Variants in TMEM42 observed in about 807,000 individuals in gnomAD.
TMEM42 encodes the protein transmembrane protein 42.
Under a neutral mutation model 14.0 loss-of-function variants are expected in TMEM42, and 8 were observed. The observed-to-expected ratio is 0.57, with a 90% CI of 0.34 to 1.03. TMEM42 has a LOEUF of 1.03. Ranked by LOEUF, TMEM42 falls within the 50% of genes least tolerant of loss-of-function variation. The probability of loss-of-function intolerance (pLI) is 0.03; values close to 1 mark genes in which losing one functional copy is unlikely to be tolerated. For missense variants in TMEM42, 211 were observed against 219.8 expected (o/e 0.96, Z 0.25); for synonymous variants, 115 against 94.3 (o/e 1.22, Z -1.27).
At chr3:44,862,147 C>CG (rs760336605) in intron 1 of TMEM42, 31 bp downstream of exon 1, 4 of 143,624 alleles carry the variant, frequency 2.8e-5, no homozygotes, top group Non-Finnish European at 5.5e-5. Context: ...GGTGCTGCTG[C>CG]TGCGGGCGGG....
Position 44,864,353 on chromosome 3 carries a change from C to CT in TMEM42, c.339+11dup. 2 of 1,614,012 alleles carry CT rather than the reference C, an allele frequency of 1.2e-6. No homozygotes were observed. Among genetic ancestry groups the CT allele is most frequent in the Non-Finnish European group, 1.7e-6 (2 of 1,179,986 alleles). On this transcript the variant is annotated intron_variant, in intron 2 of 2. Coordinates refer to ENST00000302392, the MANE Select transcript of TMEM42 (RefSeq NM_144638.3). ...AAATATCCTCAGCTCGGTGAGTAGC[C>CT]TGAGGGTGTGGTGCTCTTGTCCTAA... is the stretch of plus-strand genomic sequence containing the variant.
rs141119603 is a variant in TMEM42, at chr3:44,864,256, G to A, written c.252G>A (p.Met84Ile). The change falls in exon 2 of 3, where the codon ATG becomes ATA. Residue 84 changes from methionine (M) to isoleucine (I), a missense_variant. Met to Ile is a conservative substitution (Grantham distance 10). Transcript: ENST00000302392. The stretch of plus-strand genomic sequence containing the variant: ...TGATGGCGAGCACCAATTCTCTGAT[G>A]TGGACCTTCTTTAGCCGGGGCCTCA... ...IIVMASTNSL[M>I]WTFFSRGLSF... The A allele has an allele frequency of 1.8e-4, 287 of 1,614,104 alleles. 1 individual carries two copies. Among genetic ancestry groups the A allele is most frequent in the Non-Finnish European group, 2.3e-4 (268 of 1,180,048 alleles).
Position 44,862,183 on chromosome 3 carries a change from A to G in TMEM42, c.192+67A>G, listed in dbSNP as rs1219427343. 6 of 427,244 alleles carry G rather than the reference A, an allele frequency of 1.4e-5. No homozygotes were observed. In the African/African-American group the frequency reaches 5.0e-4, roughly 35 times the overall value. 26.5% of individuals were successfully genotyped at this position (427,244 alleles called of 1,614,324 possible). On this transcript the variant is annotated intron_variant, in intron 1 of 2. Coordinates refer to ENST00000302392, the MANE Select transcript of TMEM42 (RefSeq NM_144638.3). Reference sequence around the variant, plus strand: ...CGGGCGGGGCGCCGCTGGGCGGAGGAGGGGCGCTGCGGGGCCCGCGGGGCT... The same window carrying G: ...CGGGCGGGGCGCCGCTGGGCGGAGGGGGGGCGCTGCGGGGCCCGCGGGGCT...
At chr3:44,864,541 A>G (rs1699299940) in intron 2 of TMEM42, among the ~76,000 whole-genome samples, 198 bp downstream of exon 2, 1 of 152,184 alleles carries the variant, frequency 6.6e-6, no homozygotes, top group African/African-American at 2.4e-5. Context: ...TAAGTTAGAT[A>G]TGAGTGAAGC....
chr3:44,862,155 G>C, intron 1 of TMEM42, 39 bp downstream of exon 1: 1 of 1,136,520 alleles, frequency 8.8e-7, no homozygotes, highest in Non-Finnish European at 1.1e-6. Flanking sequence ...TGCTGCGGGC[G>C]GGCGGGCGGG....
intron 1 of TMEM42, chr3:44,863,499 C>T (rs1180680108): frequency 6.6e-6 from 1 of 152,176 alleles, no homozygotes; most frequent in Non-Finnish European, 1.5e-5. Flanking sequence ...GGTGGTGTTT[C>T]CCTCAGGCAA....
rs147012039 is a variant in TMEM42, at chr3:44,865,046, C to T, written c.346C>T (p.Leu116=). Residue 116 remains leucine (L), a synonymous_variant, in exon 3 of 3, where the codon CTG becomes TTG. Transcript: ENST00000302392. ...AGCTATCTTTGTCTCGCAGGCCTTC[C>T]TGGGCTATGTGCTGTATGGAGAGTG... ...TFSNILSSAF[L]GYVLYGECQE... 41 of 1,613,946 alleles carry T rather than the reference C, an allele frequency of 2.5e-5. No homozygotes were observed. Among genetic ancestry groups the T allele is most frequent in the Non-Finnish European group, 1.4e-5 (17 of 1,179,956 alleles).
intron 1 of TMEM42, chr3:44,862,768 A>AG (rs1314795410): frequency 3.3e-5 from 5 of 151,860 alleles, no homozygotes; most frequent in African/African-American, 9.7e-5. Flanking sequence ...TGCTTGCTAT[A>AG]GGGGTTTCAT....
In TMEM42 at chr3:44,862,131, G is replaced by T. The variant is rs1699261878; in HGVS notation, c.192+15G>T. The T allele has an allele frequency of 2.5e-5, 30 of 1,195,850 alleles. No homozygotes were observed. Among genetic ancestry groups the T allele is most frequent in the Non-Finnish European group, 3.1e-5 (30 of 963,338 alleles). 74.1% of individuals were successfully genotyped at this position (1,195,850 alleles called of 1,614,324 possible). On this transcript the variant is annotated intron_variant, in intron 1 of 2. Coordinates refer to ENST00000302392, the MANE Select transcript of TMEM42 (RefSeq NM_144638.3). ...TCGGCAGCGAGGTCGAGCCCGGGGCGCTGTTGGTGCTGCTGCTGCGGGCGG... is the reference window on the plus strand; with the variant it reads ...TCGGCAGCGAGGTCGAGCCCGGGGCTCTGTTGGTGCTGCTGCTGCGGGCGG...
In TMEM42 at chr3:44,865,450, C is replaced by T. The variant is rs1209892351; in HGVS notation, c.*270C>T. 4.4e-6 allele frequency: 2 copies of T among 454,528 alleles called. No homozygotes were observed. Among genetic ancestry groups the T allele is most frequent in the Non-Finnish European group, 8.0e-6 (2 of 250,214 alleles). 28.2% of individuals were successfully genotyped at this position (454,528 alleles called of 1,614,324 possible). A position where few individuals can be genotyped will look rare whatever the true frequency, so the allele number is the denominator to read the frequency against. ...GTGAGCCTTCGCAGATGCTGGAGAT[C>T]CTGGGGTTGGTCTGCTTTGTGTATG... is the stretch of plus-strand genomic sequence containing the variant. On this transcript the variant is annotated 3_prime_UTR_variant, in exon 3 of 3. Coordinates refer to ENST00000302392, the MANE Select transcript of TMEM42 (RefSeq NM_144638.3).
rs1379265849 is a variant in TMEM42, at chr3:44,864,231, T to G, written c.227T>G (p.Val76Gly). 9 of 1,614,222 alleles carry G rather than the reference T, an allele frequency of 5.6e-6. No homozygotes were observed. Among genetic ancestry groups the G allele is most frequent in the Non-Finnish European group, 7.6e-6 (9 of 1,180,046 alleles). ...GGTTTATGCGTCTTAGGCATTATTG[T>G]GATGGCGAGCACCAATTCTCTGATG... ...SMGLCVLGII[V>G]MASTNSLMWT... Residue 76 changes from valine to glycine, a missense_variant, in exon 2 of 3, where the codon GTG becomes GGG. Transcript: ENST00000302392.
intron 1 of TMEM42, 176 bp from the exon 2 acceptor site, chr3:44,864,021 C>A: frequency 1.6e-6 from 1 of 631,470 alleles, no homozygotes; most frequent in Non-Finnish European, 2.7e-6. Context: ...GATGGGTCTG[C>A]TGCCCACTGA....
Position 44,861,954 on chromosome 3 carries a change from C to T in TMEM42, c.30C>T (p.Gly10=), listed in dbSNP as rs1247193099. Residue 10 remains glycine (G), a synonymous_variant, in exon 1 of 3, where the codon GGC becomes GGT. Coordinates refer to ENST00000302392, the MANE Select transcript of TMEM42 (RefSeq NM_144638.3). ...CCGAGAGGCCGGGGCCTCCGGGCGG[C>T]GCCGTGTCCGCGACCGCGTACCCTG... MAERPGPPG[G]AVSATAYPDT... 2.1e-6 allele frequency: 3 copies of T among 1,403,308 alleles called. No individual in the cohort carries two copies. The highest frequency in any genetic ancestry group is 1.5e-5 in the African/African-American group (1 of 65,940). 86.9% of individuals were successfully genotyped at this position (1,403,308 alleles called of 1,614,324 possible). A position where few individuals can be genotyped will look rare whatever the true frequency, so the allele number is the denominator to read the frequency against.
rs757656959 is a variant in TMEM42, at chr3:44,864,301, C to T, written c.297C>T (p.Ala99=). The change falls in exon 2 of 3, where the codon GCC becomes GCT. Residue 99 remains alanine (A), a synonymous_variant. Transcript: ENST00000302392. ...GCCTCAGTTTCTCCATGTCTTCAGC[C>T]ATTGCATCTGTCACAGTGACTTTTT... is the stretch of plus-strand genomic sequence containing the variant. ...SRGLSFSMSS[A]IASVTVTFSN... 59 of 1,614,068 alleles carry T rather than the reference C, an allele frequency of 3.7e-5. No homozygotes were observed. Among genetic ancestry groups the T allele is most frequent in the Non-Finnish European group, 5.0e-5 (59 of 1,180,048 alleles).
At position 44,865,321 on chromosome 3, in the gene TMEM42, AG is replaced by A; in HGVS notation, c.*143del. 1 of 1,130,878 alleles carries A rather than the reference AG, an allele frequency of 8.8e-7. No individual in the cohort carries two copies. The highest frequency in any genetic ancestry group is 1.3e-6 in the Non-Finnish European group (1 of 786,378). The allele number at this position is 1,130,878 out of a possible 1,614,324, so 70.1% of individuals were successfully genotyped here. A position where few individuals can be genotyped will look rare whatever the true frequency, so the allele number is the denominator to read the frequency against. On this transcript the variant is annotated 3_prime_UTR_variant, in exon 3 of 3. Coordinates refer to ENST00000302392, the MANE Select transcript of TMEM42 (RefSeq NM_144638.3). ...AAGGGAAGCAGGCCTCTGATGGAGCAGGCTCTGGCTCTGTAAGGAGAGGTGC... is the reference window on the plus strand; with the variant it reads ...AAGGGAAGCAGGCCTCTGATGGAGCAGCTCTGGCTCTGTAAGGAGAGGTGC...
chr3:44,862,637 T>TA (rs1036355441), intron 1 of TMEM42: 2 of 152,294 alleles, frequency 1.3e-5, no homozygotes, highest in Non-Finnish European at 2.9e-5. Context: ...ACTGTAGGCA[T>TA]AAGAGGATAC....
At chr3:44,862,193 C>T in intron 1 of TMEM42, 77 bp downstream of exon 1, 1 of 136,116 alleles carries the variant, frequency 7.3e-6, no homozygotes, top group Non-Finnish European at 1.1e-5. Context: ...AGGGGCGCTG[C>T]GGGGCCCGCG....
In TMEM42 at chr3:44,864,281, A is replaced by G; in HGVS notation, c.277A>G (p.Ser93Gly). 1 of 1,614,200 alleles carries G rather than the reference A, an allele frequency of 6.2e-7. No individual in the cohort carries two copies. Among genetic ancestry groups the G allele is most frequent in the Non-Finnish European group, 8.5e-7 (1 of 1,180,038 alleles). ...LMWTFFSRGL[S>G]FSMSSAIASV... Reference sequence around the variant, plus strand: ...GTGGACCTTCTTTAGCCGGGGCCTCAGTTTCTCCATGTCTTCAGCCATTGC... The same window carrying G: ...GTGGACCTTCTTTAGCCGGGGCCTCGGTTTCTCCATGTCTTCAGCCATTGC... The change falls in exon 2 of 3, where the codon AGT becomes GGT. Residue 93 changes from serine to glycine, a missense_variant. By Grantham distance (56) the Ser-to-Gly change is moderately conservative. Coordinates refer to ENST00000302392, the MANE Select transcript of TMEM42 (RefSeq NM_144638.3).
At position 44,861,944 on chromosome 3, in the gene TMEM42, C is replaced by T. The variant is rs767254686; in HGVS notation, c.20C>T (p.Pro7Leu). The T allele has an allele frequency of 6.4e-6, 9 of 1,416,784 alleles. No individual in the cohort carries two copies. The highest frequency in any genetic ancestry group is 3.0e-5 in the African/African-American group (2 of 66,218). 87.8% of individuals were successfully genotyped at this position (1,416,784 alleles called of 1,614,324 possible). MAERPG[P>L]PGGAVSATAY... ...GGCAACATGGCCGAGAGGCCGGGGC[C>T]TCCGGGCGGCGCCGTGTCCGCGACC... The change falls in exon 1 of 3, where the codon CCT becomes CTT. Residue 7 changes from proline (P) to leucine (L), a missense_variant. Transcript: ENST00000302392.
Sources: gnomAD v4.1 joint callset for allele counts (sites outside exome capture counted in the v4.1 genomes callset) on GRCh38, gnomAD v4.1.1 for gene constraint, MANE v1.5 for transcripts, NCBI Gene and HGNC (gene_info 2026-07-23, HGNC 2026-07-21) for gene names.